ZNF521: variants seen among roughly 807,000 people sequenced by gnomAD.
ZNF521 encodes the protein zinc finger protein 521, also known as LYST-interacting protein 3.
In ZNF521, 14 loss-of-function variants were observed where a neutral mutation model predicts 105.5. The observed-to-expected ratio is 0.13, with a 90% CI of 0.09 to 0.21. The LOEUF (loss-of-function observed/expected upper bound fraction) is 0.21, where lower values mean the gene tolerates loss of function less well. Among genes scored for constraint, ZNF521 ranks in the 10% least tolerant of loss-of-function variants. The pLI, the probability that ZNF521 is intolerant of heterozygous loss-of-function variation, is 1.00. For synonymous variants in ZNF521, 635 were observed against 606.0 expected, an observed-to-expected ratio of 1.05 and a Z score of -0.70; for missense variants, 1,233 against 1,629.7, an observed-to-expected ratio of 0.76 and a Z score of 4.19.
chr18:25,117,026 T>TAC (rs1408306806), intron 5 of ZNF521, among the ~76,000 whole-genome samples: 3,471 of 121,928 alleles, frequency 0.028, 133 homozygotes, highest in East Asian at 0.13. Context: ...CACATATATA[T>TAC]ATACATACAC....
intron 4 of ZNF521, among the ~76,000 whole-genome samples, chr18:25,216,067 A>G (rs1322388994): frequency 1.3e-5 from 2 of 152,216 alleles, no homozygotes; most frequent in Admixed American, 1.3e-4. Flanking sequence ...CTCTTTGCAT[A>G]ATTAACTTAG....
Position 25,350,896 on chromosome 18 carries a change from T to C in ZNF521, c.40+11A>G. On this transcript the variant is annotated intron_variant, in intron 2 of 7. Coordinates refer to ENST00000361524, the MANE Select transcript of ZNF521 (RefSeq NM_015461.3). ...ATGGGGGAAAGCGGGGAGCAGGGGG[T>C]TCCTCCTTACCTTTGAGGGATCTCG... 13 of 1,548,528 alleles carry C rather than the reference T, an allele frequency of 8.4e-6. No individual in the cohort carries two copies. Among genetic ancestry groups the C allele is most frequent in the South Asian group, 2.4e-5 (2 of 83,874 alleles).
chr18:25,316,369 C>CA (rs34066702), intron 3 of ZNF521, among the ~76,000 whole-genome samples: 9,374 of 113,246 alleles, frequency 0.083, 799 homozygotes, highest in African/African-American at 0.22. Context: ...AACCAAGAGG[C>CA]AAAAAAAAAA....
intron 5 of ZNF521, among the ~76,000 whole-genome samples, chr18:25,123,891 A>T (rs2034490136): frequency 6.6e-6 from 1 of 152,126 alleles, no homozygotes; most frequent in Non-Finnish European, 1.5e-5. Context: ...CCCTTCTTTA[A>T]CCTTTTTGAT....
At chr18:25,185,676 C>G (rs78449296) in intron 5 of ZNF521, among the ~76,000 whole-genome samples, 1 of 152,092 alleles carries the variant, frequency 6.6e-6, no homozygotes, top group Non-Finnish European at 1.5e-5. Context: ...GCATCCCACC[C>G]TAACAGGCAC....
At chr18:25,130,361 T>C (rs923836470) in intron 5 of ZNF521, among the ~76,000 whole-genome samples, 1 of 152,118 alleles carries the variant, frequency 6.6e-6, no homozygotes, top group Non-Finnish European at 1.5e-5. Context: ...GATGAGTAGA[T>C]AGAACAAAGA....
intron 4 of ZNF521, among the ~76,000 whole-genome samples, chr18:25,208,724 AAACC>A (rs1443103977): frequency 1.2e-4 from 19 of 152,232 alleles, no homozygotes; most frequent in Non-Finnish European, 1.9e-4. Flanking sequence ...AAAACATTTA[AAACC>A]AACTTGTTAC....
At chr18:25,346,446 A>G (rs1598496263) in intron 2 of ZNF521, among the ~76,000 whole-genome samples, 1 of 152,248 alleles carries the variant, frequency 6.6e-6, no homozygotes, top group Non-Finnish European at 1.5e-5. Context: ...AACACCTACA[A>G]TTTTTAGAGC....
chr18:25,133,825 G>A (rs1225691243), intron 5 of ZNF521, among the ~76,000 whole-genome samples: 1 of 151,774 alleles, frequency 6.6e-6, no homozygotes, highest in Non-Finnish European at 1.5e-5. Flanking sequence ...TTAGTTAAAG[G>A]CCTGAGGGAA....
At chr18:25,314,745 C>G (rs1032335614) in intron 3 of ZNF521, among the ~76,000 whole-genome samples, 1 of 152,114 alleles carries the variant, frequency 6.6e-6, no homozygotes, top group Non-Finnish European at 1.5e-5. Flanking sequence ...GTTTTTTCTG[C>G]GATTATGCCC....
At chr18:25,153,824 C>A (rs1166927455) in intron 5 of ZNF521, among the ~76,000 whole-genome samples, 1 of 152,122 alleles carries the variant, frequency 6.6e-6, no homozygotes. Context: ...TCCAACATGC[C>A]TTTGCACAGT....
intron 3 of ZNF521, among the ~76,000 whole-genome samples, chr18:25,228,141 C>A (rs987318433): frequency 6.6e-6 from 1 of 152,102 alleles, no homozygotes; most frequent in Non-Finnish European, 1.5e-5. Flanking sequence ...ATGCAGTCAA[C>A]CCAGATGTCT....
chr18:25,159,682 G>A (rs1183222846), intron 5 of ZNF521, among the ~76,000 whole-genome samples: 1 of 152,182 alleles, frequency 6.6e-6, no homozygotes, highest in Non-Finnish European at 1.5e-5. Context: ...GAAAGAAGCT[G>A]TGAACCTTGA....
At chr18:25,161,481 C>T (rs45535037) in intron 5 of ZNF521, among the ~76,000 whole-genome samples, 38,883 of 151,946 alleles carry the variant, frequency 0.26, 5,718 homozygotes, top group Non-Finnish European at 0.33. Flanking sequence ...GTGAAATGGC[C>T]AGCATTGTGA....
intron 3 of ZNF521, among the ~76,000 whole-genome samples, chr18:25,299,227 T>C (rs565861248): frequency 6.6e-6 from 1 of 152,176 alleles, no homozygotes; most frequent in African/African-American, 2.4e-5. Context: ...TAGGAAACCA[T>C]ACACAGAATA....
At chr18:25,146,822 G>A (rs987183650) in intron 5 of ZNF521, among the ~76,000 whole-genome samples, 2 of 151,812 alleles carry the variant, frequency 1.3e-5, no homozygotes, top group African/African-American at 2.4e-5. Context: ...CTTCTCATAT[G>A]ATTTTTTACC....
chr18:25,241,266 T>C (rs1479438077), intron 3 of ZNF521, among the ~76,000 whole-genome samples: 2 of 152,222 alleles, frequency 1.3e-5, no homozygotes, highest in Non-Finnish European at 2.9e-5. Flanking sequence ...CTGAGAGTGA[T>C]GCCCTTGTCA....
At chr18:25,247,604 C>T (rs1907820069) in intron 3 of ZNF521, among the ~76,000 whole-genome samples, 1 of 152,166 alleles carries the variant, frequency 6.6e-6, no homozygotes, top group Non-Finnish European at 1.5e-5. Flanking sequence ...CAGCCAGGTT[C>T]AAGTGCCACT....
intron 4 of ZNF521, among the ~76,000 whole-genome samples, chr18:25,204,477 TG>T (rs1568008172): frequency 6.6e-6 from 1 of 152,162 alleles, no homozygotes; most frequent in Non-Finnish European, 1.5e-5. Flanking sequence ...GTCATTTCCA[TG>T]GATCATACCA....
Sources: gnomAD v4.1 joint callset for allele counts (sites outside exome capture counted in the v4.1 genomes callset) on GRCh38, gnomAD v4.1.1 for gene constraint, MANE v1.5 for transcripts, NCBI Gene and HGNC (gene_info 2026-07-23, HGNC 2026-07-21) for gene names.